PPP2R5E: variants seen among roughly 807,000 people sequenced by gnomAD.
The protein encoded by PPP2R5E is protein phosphatase 2 regulatory subunit B'epsilon, also known as serine/threonine-protein phosphatase 2A 56 kDa regulatory subunit epsilon isoform.
In PPP2R5E, 4 loss-of-function variants were observed where a neutral mutation model predicts 65.3. The observed-to-expected ratio is 0.06, with a 90% CI of 0.03 to 0.14. PPP2R5E has a LOEUF of 0.14. PPP2R5E is among the 10% of genes least tolerant of loss of function. The pLI is 1.00. For synonymous variants in PPP2R5E, 183 were observed against 187.4 expected (o/e 0.98, Z 0.19); for missense variants, 274 against 556.1 (o/e 0.49, Z 5.10).
chr14:63,437,433 G>C (rs1452320087), intron 3 of PPP2R5E, among the ~76,000 whole-genome samples: 1 of 152,152 alleles, frequency 6.6e-6, no homozygotes, highest in African/African-American at 2.4e-5. Flanking sequence ...GTCTGGGTCA[G>C]GACCCCTTTC....
At chr14:63,421,052 CAAAAAAAAAAAAAAAAAAAAAAAA>C (rs56297942) in intron 4 of PPP2R5E, among the ~76,000 whole-genome samples, 1 of 10,292 alleles carries the variant, frequency 9.7e-5, no homozygotes, top group Non-Finnish European at 1.5e-4. Context: ...GACTCCGTCT[CAAAAAAAAAAAAAAAAAAAAAAAA>C]AAAAAAAAAA....
intron 2 of PPP2R5E, among the ~76,000 whole-genome samples, chr14:63,498,933 A>G (rs1308060322): frequency 2.0e-5 from 3 of 152,142 alleles, no homozygotes; most frequent in Non-Finnish European, 4.4e-5. Flanking sequence ...TCTTTAAAGT[A>G]AATATTAGGA....
chr14:63,478,149 T>A (rs1360036075), intron 2 of PPP2R5E, among the ~76,000 whole-genome samples: 2 of 152,224 alleles, frequency 1.3e-5, no homozygotes, highest in African/African-American at 2.4e-5. Context: ...CCTGTAGAAC[T>A]GAAAACAGAC....
intron 2 of PPP2R5E, among the ~76,000 whole-genome samples, chr14:63,477,490 G>T (rs928633207): frequency 6.6e-5 from 10 of 151,558 alleles, no homozygotes; most frequent in Non-Finnish European, 1.3e-4. Context: ...TTCACCCAAG[G>T]TCATAATGGC....
intron 3 of PPP2R5E, among the ~76,000 whole-genome samples, chr14:63,450,859 CTG>C (rs1183354380): frequency 2.0e-5 from 3 of 151,452 alleles, no homozygotes; most frequent in South Asian, 2.1e-4. Flanking sequence ...GGAAAAAGCA[CTG>C]TGTTTTTTCA....
chr14:63,391,018 TA>T (rs1301619051), intron 10 of PPP2R5E, among the ~76,000 whole-genome samples: 19 of 152,350 alleles, frequency 1.2e-4, no homozygotes, highest in African/African-American at 4.1e-4. Flanking sequence ...GTCTGTTGTC[TA>T]TTCTAAGATG....
At chr14:63,512,993 C>T (rs1004243297) in intron 2 of PPP2R5E, among the ~76,000 whole-genome samples, 1 of 130,332 alleles carries the variant, frequency 7.7e-6, no homozygotes, top group African/African-American at 3.2e-5. Flanking sequence ...TTCTCCACCC[C>T]CCTACCCCCC....
intron 3 of PPP2R5E, among the ~76,000 whole-genome samples, chr14:63,431,737 G>A (rs565175313): frequency 1.3e-5 from 2 of 152,262 alleles, no homozygotes; most frequent in South Asian, 4.1e-4. Flanking sequence ...CAGTTGTGAG[G>A]TTTGTTTTAC....
chr14:63,455,630 G>A (rs555361682), intron 2 of PPP2R5E, among the ~76,000 whole-genome samples: 1 of 152,122 alleles, frequency 6.6e-6, no homozygotes, highest in East Asian at 1.9e-4. Context: ...AACTCTCTAA[G>A]TGCTACCTGC....
chr14:63,457,578 C>T (rs1421822155), intron 2 of PPP2R5E, among the ~76,000 whole-genome samples: 1 of 152,174 alleles, frequency 6.6e-6, no homozygotes, highest in Non-Finnish European at 1.5e-5. Flanking sequence ...ATCTTAGAAT[C>T]CCAAAGCAGA....
At chr14:63,410,690 C>T (rs1886346188) in intron 5 of PPP2R5E, among the ~76,000 whole-genome samples, 1 of 152,182 alleles carries the variant, frequency 6.6e-6, no homozygotes. Context: ...GGCCAACTTA[C>T]AGATTACCAA....
intron 4 of PPP2R5E, among the ~76,000 whole-genome samples, chr14:63,416,240 A>G (rs1306790505): frequency 6.6e-6 from 1 of 152,224 alleles, no homozygotes; most frequent in Middle Eastern, 3.2e-3. Context: ...GGACTGCTTC[A>G]GCCCAGGAGT....
At chr14:63,402,998 G>C (rs367546665) in intron 5 of PPP2R5E, among the ~76,000 whole-genome samples, 1 of 152,270 alleles carries the variant, frequency 6.6e-6, no homozygotes, top group East Asian at 1.9e-4. Flanking sequence ...AAAGAAGACA[G>C]GTCATTATAA....
intron 3 of PPP2R5E, among the ~76,000 whole-genome samples, chr14:63,443,478 C>T (rs879299053): frequency 6.6e-6 from 1 of 152,088 alleles, no homozygotes; most frequent in Non-Finnish European, 1.5e-5. Context: ...ACCCAAGGTG[C>T]GAGCAATTAT....
intron 8 of PPP2R5E, among the ~76,000 whole-genome samples, chr14:63,393,128 G>A (rs933506812): frequency 2.0e-5 from 3 of 152,148 alleles, no homozygotes; most frequent in Non-Finnish European, 2.9e-5. Context: ...ATAGACTAAC[G>A]CAAAGTAGGA....
rs1883777725 is a variant in PPP2R5E, at chr14:63,373,103, T to C, written c.*2906A>G. ...GGTGAATTCACTCACATAGTTGTTC[T>C]AGGCCCACAGCCTAAGGCCTCAGCG... On this transcript the variant is annotated 3_prime_UTR_variant, in exon 14 of 14. Transcript: ENST00000337537. The C allele has an allele frequency of 6.6e-6, 1 of 152,180 alleles. No homozygotes were observed. Among genetic ancestry groups the C allele is most frequent in the South Asian group, 2.1e-4 (1 of 4,828 alleles). The allele number at this position is 152,180 out of a possible 1,614,324, so 9.4% of individuals were successfully genotyped here. A position where few individuals can be genotyped will look rare whatever the true frequency, so the allele number is the denominator to read the frequency against.
At chr14:63,505,459 T>G (rs766857186) in intron 2 of PPP2R5E, among the ~76,000 whole-genome samples, 8 of 152,224 alleles carry the variant, frequency 5.3e-5, no homozygotes, top group African/African-American at 9.6e-5. Context: ...ACATTAATAA[T>G]GACAACCTGC....
At chr14:63,459,576 A>G (rs1379099385) in intron 2 of PPP2R5E, among the ~76,000 whole-genome samples, 1 of 152,226 alleles carries the variant, frequency 6.6e-6, no homozygotes, top group Admixed American at 6.5e-5. Flanking sequence ...TCTGTTAACT[A>G]AAATAAGCAT....
chr14:63,455,158 C>G (rs930745138), intron 2 of PPP2R5E, among the ~76,000 whole-genome samples: 2 of 152,214 alleles, frequency 1.3e-5, no homozygotes, highest in African/African-American at 2.4e-5. Context: ...ACAGCACCCC[C>G]CTTACAGCCA....
Sources: gnomAD v4.1 joint callset for allele counts (sites outside exome capture counted in the v4.1 genomes callset) on GRCh38, gnomAD v4.1.1 for gene constraint, MANE v1.5 for transcripts, NCBI Gene and HGNC (gene_info 2026-07-23, HGNC 2026-07-21) for gene names.